Variants in SGCG observed in about 807,000 individuals in gnomAD.
The protein encoded by SGCG is gamma-sarcoglycan.
SGCG carries 26 observed loss-of-function variants against 29.3 expected under a neutral mutation model. The observed-to-expected ratio is 0.89, with a 90% confidence interval of 0.65 to 1.23. The LOEUF (loss-of-function observed/expected upper bound fraction) is 1.23, where lower values mean the gene tolerates loss of function less well. Among genes scored for constraint, SGCG ranks in the 50% most tolerant of loss-of-function variants. The probability of loss-of-function intolerance (pLI) is 0.00; values close to 1 mark genes in which losing one functional copy is unlikely to be tolerated. For missense variants in SGCG, 353 were observed against 356.0 expected, an observed-to-expected ratio of 0.99 and a Z score of 0.07; for synonymous variants, 145 against 129.7, an observed-to-expected ratio of 1.12 and a Z score of -0.80.
At chr13:23,254,073 A>C (rs562814955) in intron 4 of SGCG, among the ~76,000 whole-genome samples, 1 of 152,334 alleles carries the variant, frequency 6.6e-6, no homozygotes, top group African/African-American at 2.4e-5. Flanking sequence ...AGTAACACAG[A>C]AAATTGGTAC....
chr13:23,247,783 T>C (rs1879771067), intron 3 of SGCG, among the ~76,000 whole-genome samples: 1 of 86,310 alleles, frequency 1.2e-5, no homozygotes, highest in Admixed American at 1.4e-4. Context: ...TCATCTCTAT[T>C]TAAAAAAAAA....
At chr13:23,269,883 G>GTT (rs140082158) in intron 4 of SGCG, among the ~76,000 whole-genome samples, 61 of 117,018 alleles carry the variant, frequency 5.2e-4, no homozygotes, top group African/African-American at 8.3e-4. Flanking sequence ...TGTTTTTTTT[G>GTT]TTTTTTTTTG....
chr13:23,294,721 G>C (rs4418913), intron 5 of SGCG, among the ~76,000 whole-genome samples: 1 of 152,076 alleles, frequency 6.6e-6, no homozygotes, highest in Non-Finnish European at 1.5e-5. Flanking sequence ...GCCACTTCTC[G>C]GCTGTGGAAC....
At chr13:23,212,157 C>T (rs1473038327) in intron 2 of SGCG, among the ~76,000 whole-genome samples, 1 of 152,080 alleles carries the variant, frequency 6.6e-6, no homozygotes, top group Admixed American at 6.6e-5. Flanking sequence ...AAGCAGAAAC[C>T]ACTATGCTTC....
rs1189871837 is a variant in SGCG at position 23,322,765 on chromosome 13, T to TCCCCCCCCCCCCCCCCCC, written c.703-1601_703-1600insCCCCCCCCCCCCCCCCCC. ...CGATGCACAGACCGCCCCCCACCCA[T>TCCCCCCCCCCCCCCCCCC]CCACCTCCCCCCCCCCCCCCCCCCG... On this transcript the variant is annotated intron_variant, in intron 7 of 7. Coordinates refer to ENST00000218867, the MANE Select transcript of SGCG (RefSeq NM_000231.3). 7.0e-4 allele frequency among the ~76,000 whole-genome samples: 43 copies of TCCCCCCCCCCCCCCCCCC among 61,470 alleles called. 1 individual carries two copies. Among genetic ancestry groups the TCCCCCCCCCCCCCCCCCC allele is most frequent in the Middle Eastern group, 7.0e-3 (1 of 142 alleles). The allele number at this position is 61,470 out of a possible 152,430, so 40.3% of individuals were successfully genotyped here. A position where few individuals can be genotyped will look rare whatever the true frequency, so the allele number is the denominator to read the frequency against.
chr13:23,279,378 C>A lies in SGCG; in HGVS notation c.405C>A (p.Val135=), dbSNP rs771962643. ...CTTCAGGTCCCAAAATGGTAGAAGTCCAGAATCAACAGTTTCAGATCAACT... is the reference window on the plus strand; with the variant it reads ...CTTCAGGTCCCAAAATGGTAGAAGTACAGAATCAACAGTTTCAGATCAACT... ...RLKVGPKMVE[V]QNQQFQINSN... is the part of the protein sequence containing the mutation. Residue 135 remains valine, a synonymous_variant, in exon 5 of 8, where the codon GTC becomes GTA. Transcript: ENST00000218867. The A allele has an allele frequency of 1.2e-6, 2 of 1,613,004 alleles. No homozygotes were observed. Among genetic ancestry groups the A allele is most frequent in the South Asian group, 1.1e-5 (1 of 91,010 alleles).
At chr13:23,280,245 T>C (rs1038124473) in intron 5 of SGCG, among the ~76,000 whole-genome samples, 5 of 152,152 alleles carry the variant, frequency 3.3e-5, no homozygotes, top group African/African-American at 1.2e-4. Flanking sequence ...GAAAATTTTA[T>C]GAAAAAAATG....
At chr13:23,305,278 A>G (rs1221691663) in intron 6 of SGCG, among the ~76,000 whole-genome samples, 1 of 152,136 alleles carries the variant, frequency 6.6e-6, no homozygotes, top group Non-Finnish European at 1.5e-5. Flanking sequence ...TGTTTTCCAC[A>G]TTTATTTGTT....
rs757405955 is a variant in SGCG at position 23,324,982 on chromosome 13, T to C, written c.*441T>C. On this transcript the variant is annotated 3_prime_UTR_variant, in exon 8 of 8. Coordinates refer to ENST00000218867, the MANE Select transcript of SGCG (RefSeq NM_000231.3). ...TCTATACAGCATTTCCTTTATAGCA[T>C]TCAAACCTCACATCCTCCCTTCAGT... 1.6e-5 allele frequency: 3 copies of C among 188,932 alleles called. No individual in the cohort carries two copies. The highest frequency in any genetic ancestry group is 4.6e-5 in the African/African-American group (2 of 43,062). 11.7% of individuals were successfully genotyped at this position (188,932 alleles called of 1,614,324 possible).
At chr13:23,216,318 A>G (rs1040957517) in intron 2 of SGCG, among the ~76,000 whole-genome samples, 3 of 152,176 alleles carry the variant, frequency 2.0e-5, no homozygotes, top group Non-Finnish European at 2.9e-5. Flanking sequence ...GCCATATCAC[A>G]GTGCCATATG....
chr13:23,204,496 A>C (rs1877899602), intron 2 of SGCG, among the ~76,000 whole-genome samples: 1 of 152,230 alleles, frequency 6.6e-6, no homozygotes, highest in South Asian at 2.1e-4. Flanking sequence ...AGATAGCTGC[A>C]GTGAGATAAA....
chr13:23,222,329 T>A (rs79619092), intron 2 of SGCG, among the ~76,000 whole-genome samples: 1 of 152,218 alleles, frequency 6.6e-6, no homozygotes, highest in Non-Finnish European at 1.5e-5. Flanking sequence ...TTAAGAAATG[T>A]TTGCCTTCTT....
chr13:23,192,657 G>C (rs1184434164), intron 1 of SGCG, among the ~76,000 whole-genome samples: 1 of 152,102 alleles, frequency 6.6e-6, no homozygotes, highest in Non-Finnish European at 1.5e-5. Flanking sequence ...CAGCCTCCCA[G>C]AGTGCTGGGA....
At chr13:23,236,802 T>A (rs182174012) in intron 3 of SGCG, among the ~76,000 whole-genome samples, 199 of 152,196 alleles carry the variant, frequency 1.3e-3, no homozygotes, top group Admixed American at 3.9e-3. Context: ...CATATTAAAG[T>A]CTTAGAATGT....
chr13:23,270,343 A>G (rs1275618853), intron 4 of SGCG, among the ~76,000 whole-genome samples: 1 of 152,202 alleles, frequency 6.6e-6, no homozygotes, highest in Admixed American at 6.5e-5. Context: ...AGCCTCAGAC[A>G]ACACAATGTG....
intron 1 of SGCG, among the ~76,000 whole-genome samples, chr13:23,182,458 TCTCCCTCC>T (rs796238652): frequency 1.3e-5 from 2 of 151,980 alleles, no homozygotes; most frequent in African/African-American, 4.8e-5. Flanking sequence ...CCTTCCTGTC[TCTCCCTCC>T]CTCCCTCCCC....
At chr13:23,311,443 T>C (rs1882595562) in intron 6 of SGCG, among the ~76,000 whole-genome samples, 1 of 152,260 alleles carries the variant, frequency 6.6e-6, no homozygotes, top group Non-Finnish European at 1.5e-5. Flanking sequence ...GGTTTTTCAC[T>C]TGTAGTCTGT....
At chr13:23,181,704 C>G (rs900345294) in intron 1 of SGCG, among the ~76,000 whole-genome samples, 3 of 152,132 alleles carry the variant, frequency 2.0e-5, no homozygotes, top group Non-Finnish European at 4.4e-5. Context: ...GGTAAAAGTA[C>G]ACATGTGCTA....
intron 1 of SGCG, among the ~76,000 whole-genome samples, chr13:23,197,589 C>T (rs1877562701): frequency 6.6e-6 from 1 of 152,180 alleles, no homozygotes; most frequent in Admixed American, 6.5e-5. Context: ...AGATGGCTTA[C>T]TCTCTTATCT....
Sources: gnomAD v4.1 joint callset for allele counts (sites outside exome capture counted in the v4.1 genomes callset) on GRCh38, gnomAD v4.1.1 for gene constraint, MANE v1.5 for transcripts, NCBI Gene and HGNC (gene_info 2026-07-23, HGNC 2026-07-21) for gene names.